KIAA1217: variants seen among roughly 807,000 people sequenced by gnomAD.
KIAA1217 encodes sickle tail protein homolog.
KIAA1217 carries 88 observed loss-of-function variants against 163.9 expected under a neutral mutation model. That is an observed-to-expected ratio of 0.54 (90% CI 0.45 to 0.64). The LOEUF is 0.64. Among genes scored for constraint, KIAA1217 ranks in the 30% least tolerant of loss-of-function variants. The probability of loss-of-function intolerance (pLI) is 0.00; values close to 1 mark genes in which losing one functional copy is unlikely to be tolerated. For synonymous variants in KIAA1217, 903 were observed against 923.1 expected, an observed-to-expected ratio of 0.98 and a Z score of 0.39; for missense variants, 2,372 against 2,475.0, an observed-to-expected ratio of 0.96 and a Z score of 0.88.
At chr10:24,342,172 A>G (rs769545710) in intron 2 of KIAA1217, among the ~76,000 whole-genome samples, 22 of 152,234 alleles carry the variant, frequency 1.4e-4, no homozygotes, top group Non-Finnish European at 1.0e-4. Flanking sequence ...AGCAACAGTC[A>G]CAAACATAAA....
chr10:23,853,188 A>G (rs1267871918), intron 1 of KIAA1217, among the ~76,000 whole-genome samples: 1 of 152,172 alleles, frequency 6.6e-6, no homozygotes, highest in Non-Finnish European at 1.5e-5. Context: ...GATACGTCCC[A>G]TCAATACCTA....
rs10573976 is a variant in KIAA1217, at chr10:24,076,877, CTT to C, written c.-171+69519_-171+69520del. Reference sequence around the variant, plus strand: ...TAAACTGCTAATTTTTTATTTCCATCTTTTTTTTTTTTTTTTTGAGATGGAGC... The same window carrying C: ...TAAACTGCTAATTTTTTATTTCCATCTTTTTTTTTTTTTTTGAGATGGAGC... On this transcript the variant is annotated intron_variant, in intron 2 of 18. Transcript: ENST00000376462. Among the ~76,000 whole-genome samples the C allele has an allele frequency of 8.7e-4, 122 of 140,942 alleles. 1 individual carries two copies. Among genetic ancestry groups the C allele is most frequent in the African/African-American group, 2.4e-3 (96 of 39,334 alleles). The allele number at this position is 140,942 out of a possible 152,430, so 92.5% of individuals were successfully genotyped here. A position where few individuals can be genotyped will look rare whatever the true frequency, so the allele number is the denominator to read the frequency against.
intron 1 of KIAA1217, among the ~76,000 whole-genome samples, chr10:23,903,059 T>C (rs890599018): frequency 5.3e-5 from 8 of 152,096 alleles, no homozygotes; most frequent in Non-Finnish European, 8.8e-5. Context: ...TCCATGTGTG[T>C]AGGAAAGTTA....
chr10:24,493,263 G>T (rs994273006), intron 6 of KIAA1217, among the ~76,000 whole-genome samples: 1 of 152,262 alleles, frequency 6.6e-6, no homozygotes, highest in African/African-American at 2.4e-5. Context: ...CCAGAGGCCT[G>T]TGGGACTGAG....
chr10:23,756,346 T>C (rs1833918538), intron 1 of KIAA1217, among the ~76,000 whole-genome samples: 1 of 152,110 alleles, frequency 6.6e-6, no homozygotes, highest in Non-Finnish European at 1.5e-5. Context: ...AATTAATATT[T>C]TAAAAAACAA....
intron 2 of KIAA1217, among the ~76,000 whole-genome samples, chr10:24,035,030 C>A (rs1848335793): frequency 6.6e-6 from 1 of 152,164 alleles, no homozygotes; most frequent in Non-Finnish European, 1.5e-5. Flanking sequence ...AGTCTGTGTT[C>A]ACACTCAGTG....
chr10:23,823,001 A>G (rs1012832941), intron 1 of KIAA1217, among the ~76,000 whole-genome samples: 3 of 152,240 alleles, frequency 2.0e-5, no homozygotes, highest in Non-Finnish European at 4.4e-5. Context: ...GCAGGATTTA[A>G]TAGAATTTAT....
intron 1 of KIAA1217, among the ~76,000 whole-genome samples, chr10:23,825,715 G>A (rs1489457671): frequency 6.6e-6 from 1 of 152,124 alleles, no homozygotes; most frequent in Non-Finnish European, 1.5e-5. Context: ...GGAAATAGTG[G>A]ATAAGAGAAA....
At chr10:23,717,900 G>A (rs1398951302) in intron 1 of KIAA1217, among the ~76,000 whole-genome samples, 1 of 152,110 alleles carries the variant, frequency 6.6e-6, no homozygotes, top group East Asian at 1.9e-4. Context: ...GGTCCTCATA[G>A]CAATGATCAT....
At chr10:24,101,404 G>A (rs577505290) in intron 2 of KIAA1217, among the ~76,000 whole-genome samples, 69 of 152,208 alleles carry the variant, frequency 4.5e-4, no homozygotes, top group African/African-American at 1.6e-3. Flanking sequence ...TTGTTTTTAA[G>A]TATTTGGATT....
At chr10:24,426,216 T>C (rs977817155) in intron 3 of KIAA1217, among the ~76,000 whole-genome samples, 2 of 152,166 alleles carry the variant, frequency 1.3e-5, no homozygotes, top group Non-Finnish European at 2.9e-5. Context: ...CAGGAATAAT[T>C]TAATGTGTTT....
At chr10:24,367,476 A>G (rs1351829625) in intron 2 of KIAA1217, among the ~76,000 whole-genome samples, 1 of 152,238 alleles carries the variant, frequency 6.6e-6, no homozygotes, top group African/African-American at 2.4e-5. Flanking sequence ...GGATTGTGGA[A>G]TCAGCAGTAA....
intron 1 of KIAA1217, among the ~76,000 whole-genome samples, chr10:23,838,539 C>A (rs1838605081): frequency 1.3e-5 from 2 of 152,024 alleles, no homozygotes; most frequent in African/African-American, 4.8e-5. Flanking sequence ...ATGCTCACTG[C>A]AACCTCCGCC....
chr10:24,040,197 A>G lies in KIAA1217; in HGVS notation c.-171+32823A>G, dbSNP rs996204510. On this transcript the variant is annotated intron_variant, in intron 2 of 18. Coordinates refer to the KIAA1217 transcript ENST00000376462. ...TGTGATTTGTATCCGCCAGGGTCCA[A>G]GCTATGTCACTGTCAGTCATTATTC... Among the ~76,000 whole-genome samples, 11 of 152,326 alleles carry G rather than the reference A, an allele frequency of 7.2e-5. 1 individual carries two copies. Among genetic ancestry groups the G allele is most frequent in the Non-Finnish European group, 1.3e-4 (9 of 68,032 alleles).
At chr10:24,276,678 C>T (rs574113626) in intron 2 of KIAA1217, among the ~76,000 whole-genome samples, 169 of 150,878 alleles carry the variant, frequency 1.1e-3, no homozygotes, top group African/African-American at 3.9e-3. Context: ...GGCGCGATCT[C>T]GGCTCACAGC....
chr10:24,317,882 T>C (rs187477018), intron 2 of KIAA1217, among the ~76,000 whole-genome samples: 72 of 152,356 alleles, frequency 4.7e-4, no homozygotes, highest in African/African-American at 1.7e-3. Flanking sequence ...AGAAAAGATG[T>C]ATTTTTTCAT....
chr10:23,786,538 C>T (rs1258304026), intron 1 of KIAA1217, among the ~76,000 whole-genome samples: 36 of 126,878 alleles, frequency 2.8e-4, no homozygotes, highest in Non-Finnish European at 4.8e-4. Context: ...CAGAAGTAGC[C>T]AAAAAAAAAA....
intron 1 of KIAA1217, among the ~76,000 whole-genome samples, chr10:23,926,477 C>T (rs537761022): frequency 6.6e-6 from 1 of 152,250 alleles, no homozygotes; most frequent in East Asian, 1.9e-4. Context: ...GTAATCCCAA[C>T]ACTTTGGGAG....
chr10:24,544,936 A>C, intron 19 of KIAA1217, 45 bp from the exon 20 acceptor site: 26 of 1,601,576 alleles, frequency 1.6e-5, no homozygotes, highest in Non-Finnish European at 2.2e-5. Flanking sequence ...TGACCTACTC[A>C]TGCGCTTCTC....
Sources: gnomAD v4.1 joint callset for allele counts (sites outside exome capture counted in the v4.1 genomes callset) on GRCh38, gnomAD v4.1.1 for gene constraint, MANE v1.5 for transcripts, NCBI Gene and HGNC (gene_info 2026-07-23, HGNC 2026-07-21) for gene names.